FNIP1: variants seen among roughly 807,000 people sequenced by gnomAD.
FNIP1 encodes the protein folliculin-interacting protein 1.
Under a neutral mutation model 124.5 loss-of-function variants are expected in FNIP1, and 40 were observed. That is an observed-to-expected ratio of 0.32 (90% CI 0.25 to 0.42). The LOEUF (loss-of-function observed/expected upper bound fraction) is 0.42. Among genes scored for constraint, FNIP1 ranks in the 10% least tolerant of loss-of-function variants. FNIP1 has a pLI of 1.00. For missense variants in FNIP1, 1,176 were observed against 1,403.7 expected, an observed-to-expected ratio of 0.84 and a Z score of 2.59; for synonymous variants, 472 against 470.6, an observed-to-expected ratio of 1.00 and a Z score of -0.04.
intron 13 of FNIP1, among the ~76,000 whole-genome samples, chr5:131,674,109 T>C (rs1467656148): frequency 6.6e-6 from 1 of 152,014 alleles, no homozygotes; most frequent in Non-Finnish European, 1.5e-5. Flanking sequence ...ACTTTAACTG[T>C]TGTTCCTCTA....
chr5:131,729,837 C>T (rs867998015), intron 3 of FNIP1, among the ~76,000 whole-genome samples: 89 of 152,090 alleles, frequency 5.9e-4, no homozygotes, highest in African/African-American at 2.1e-3. Flanking sequence ...CATCCGCCTC[C>T]CAGGTTCAAG....
At chr5:131,784,454 A>G (rs1259952118) in intron 1 of FNIP1, among the ~76,000 whole-genome samples, 4 of 152,188 alleles carry the variant, frequency 2.6e-5, no homozygotes, top group Non-Finnish European at 5.9e-5. Context: ...TGTGTGTGTT[A>G]AAGACCTAAA....
chr5:131,666,266 T>A (rs1001478554), intron 15 of FNIP1, among the ~76,000 whole-genome samples: 1 of 152,198 alleles, frequency 6.6e-6, no homozygotes, highest in South Asian at 2.1e-4. Flanking sequence ...AGTGCTGAGA[T>A]TGAAGGTATT....
At position 131,671,801 on chromosome 5, in the gene FNIP1, G is replaced by A. The variant is rs1402953979; in HGVS notation, c.2643C>T (p.Asn881=). ...TTTCTATACATTTACAAAATTCATT[G>A]TTCTGCTTGTTATTTTTTGTACACA... ...KILCTKNNKQ[N]NEFCKCIETV... The change falls in exon 14 of 18, where the codon AAC becomes AAT. Residue 881 remains asparagine (N), a synonymous_variant. Transcript: ENST00000510461. The A allele has an allele frequency of 6.2e-7, 1 of 1,613,960 alleles. No individual in the cohort carries two copies. Among genetic ancestry groups the A allele is most frequent in the Admixed American group, 1.7e-5 (1 of 60,000 alleles).
At chr5:131,713,135 G>A (rs913337616) in intron 6 of FNIP1, among the ~76,000 whole-genome samples, 20 of 151,834 alleles carry the variant, frequency 1.3e-4, no homozygotes, top group Non-Finnish European at 2.2e-4. Context: ...TGCAAGCTCC[G>A]CCTCCCGGGT....
chr5:131,678,690 A>G (rs250887), intron 12 of FNIP1, among the ~76,000 whole-genome samples: 144,129 of 152,256 alleles, frequency 0.95, 68,296 homozygotes, highest in African/African-American at 0.99. Flanking sequence ...GGTTACAGGT[A>G]TGAGCCATCA....
At chr5:131,732,058 C>T (rs916745010) in intron 2 of FNIP1, among the ~76,000 whole-genome samples, 3 of 151,182 alleles carry the variant, frequency 2.0e-5, no homozygotes, top group African/African-American at 4.9e-5. Context: ...TTTAATTCCT[C>T]TTTCTCTTTT....
intron 11 of FNIP1, among the ~76,000 whole-genome samples, chr5:131,684,798 A>G (rs1425675726): frequency 6.6e-6 from 1 of 152,214 alleles, no homozygotes; most frequent in African/African-American, 2.4e-5. Context: ...CTCAGAGCCC[A>G]AGCAGAAACT....
chr5:131,661,737 T>C (rs1211178286), intron 15 of FNIP1, among the ~76,000 whole-genome samples: 1 of 152,154 alleles, frequency 6.6e-6, no homozygotes, highest in East Asian at 1.9e-4. Flanking sequence ...CCAGGGCAGC[T>C]GAGGGAAAGG....
intron 1 of FNIP1, among the ~76,000 whole-genome samples, chr5:131,768,808 T>TAATAA (rs1391109637): frequency 2.6e-5 from 4 of 151,954 alleles, no homozygotes; most frequent in African/African-American, 4.8e-5. Context: ...CAAAAACTAA[T>TAATAA]AATAAAATAA....
intron 11 of FNIP1, among the ~76,000 whole-genome samples, chr5:131,693,319 C>CACATATATATATAT: frequency 2.4e-5 from 1 of 41,614 alleles, no homozygotes; most frequent in South Asian, 8.2e-4. Flanking sequence ...TATATATACA[C>CACATATATATATAT]ATATATATAT....
intron 2 of FNIP1, among the ~76,000 whole-genome samples, chr5:131,732,734 T>G (rs1205384575): frequency 6.6e-6 from 1 of 152,224 alleles, no homozygotes; most frequent in African/African-American, 2.4e-5. Context: ...TACTGTAGCC[T>G]TATAGTATAG....
intron 3 of FNIP1, among the ~76,000 whole-genome samples, chr5:131,722,058 G>A (rs1214159079): frequency 6.6e-6 from 1 of 152,178 alleles, no homozygotes; most frequent in African/African-American, 2.4e-5. Context: ...CTCACTTGAA[G>A]ATAGGAGATT....
intron 11 of FNIP1, among the ~76,000 whole-genome samples, chr5:131,685,809 A>AT (rs1351113439): frequency 1.3e-5 from 2 of 151,980 alleles, no homozygotes; most frequent in African/African-American, 2.4e-5. Flanking sequence ...CAGTTAAAAA[A>AT]AAAAAATTCC....
chr5:131,698,963 T>C lies in FNIP1; in HGVS notation c.1156A>G (p.Arg386Gly). 2.5e-6 allele frequency: 4 copies of C among 1,611,768 alleles called. No homozygotes were observed. Among genetic ancestry groups the C allele is most frequent in the South Asian group, 1.1e-5 (1 of 90,574 alleles). ...ACTATTCGATTATATGCCAAACTTCTCTGACTGGCATCAGCTGATCTCCGG... is the reference window on the plus strand; with the variant it reads ...ACTATTCGATTATATGCCAAACTTCCCTGACTGGCATCAGCTGATCTCCGG... ...MSRRSADASQ[R>G]SLAYNRIVDA... is the part of the protein sequence containing the mutation. Residue 386 changes from arginine to glycine, a missense_variant, in exon 11 of 18, where the codon AGA becomes GGA. Arg to Gly is a moderately radical substitution (Grantham distance 125). Coordinates refer to ENST00000510461, the MANE Select transcript of FNIP1 (RefSeq NM_133372.3).
chr5:131,773,364 T>C (rs1053077387), intron 1 of FNIP1, among the ~76,000 whole-genome samples: 3 of 152,168 alleles, frequency 2.0e-5, no homozygotes, highest in Admixed American at 2.0e-4. Context: ...AAACTAAAGC[T>C]CCTAGATCAG....
intron 1 of FNIP1, among the ~76,000 whole-genome samples, chr5:131,752,053 T>G (rs779468253): frequency 1.3e-5 from 2 of 152,192 alleles, no homozygotes; most frequent in Non-Finnish European, 2.9e-5. Flanking sequence ...TTGTATTCTT[T>G]TTTTTTGGAG....
intron 2 of FNIP1, among the ~76,000 whole-genome samples, chr5:131,735,074 G>C (rs953446035): frequency 2.0e-5 from 3 of 152,114 alleles, no homozygotes; most frequent in Non-Finnish European, 2.9e-5. Flanking sequence ...GTCCAACAAT[G>C]ATAGACTGGA....
rs1769109726 is a variant in FNIP1 at position 131,706,286 on chromosome 5, A to T, written c.914+125T>A. 9.2e-6 allele frequency: 10 copies of T among 1,091,404 alleles called. No homozygotes were observed. The Admixed American group carries it at 9.2e-5, about 10-fold the overall frequency. The allele number at this position is 1,091,404 out of a possible 1,614,324, so 67.6% of individuals were successfully genotyped here. On this transcript the variant is annotated intron_variant, in intron 9 of 17. Coordinates refer to ENST00000510461, the MANE Select transcript of FNIP1 (RefSeq NM_133372.3). ...TACCACAATTTTAAAAATGTAGTAA[A>T]TTTTAAAAGTTTTCAGTTTCAAACT...
Sources: gnomAD v4.1 joint callset for allele counts (sites outside exome capture counted in the v4.1 genomes callset) on GRCh38, gnomAD v4.1.1 for gene constraint, MANE v1.5 for transcripts, NCBI Gene and HGNC (gene_info 2026-07-23, HGNC 2026-07-21) for gene names.